Variants in DOK5 observed in about 807,000 individuals in gnomAD.
The protein encoded by DOK5 is docking protein 5.
DOK5 carries 27 observed loss-of-function variants against 43.3 expected under a neutral mutation model. The ratio of observed to expected loss-of-function variants is 0.62; its 90% CI spans 0.46 to 0.86. The LOEUF (loss-of-function observed/expected upper bound fraction) is 0.86, where lower values mean the gene tolerates loss of function less well. Ranked by LOEUF, DOK5 falls within the 40% of genes least tolerant of loss-of-function variation. The pLI, the probability that DOK5 is intolerant of heterozygous loss-of-function variation, is 0.00. For missense variants in DOK5, 373 were observed against 392.9 expected (o/e 0.95, Z 0.43); for synonymous variants, 146 against 140.1 (o/e 1.04, Z -0.30).
At chr20:54,497,546 A>T (rs542663101) in intron 1 of DOK5, among the ~76,000 whole-genome samples, 1 of 152,190 alleles carries the variant, frequency 6.6e-6, no homozygotes, top group African/African-American at 2.4e-5. Context: ...TGAGGTTTTC[A>T]TGTTTTGCTC....
At chr20:54,546,891 AG>A (rs1050195142) in intron 1 of DOK5, among the ~76,000 whole-genome samples, 2 of 152,108 alleles carry the variant, frequency 1.3e-5, no homozygotes, top group Non-Finnish European at 2.9e-5. Flanking sequence ...CATTTGGTGG[AG>A]GGGGTTGAAA....
At chr20:54,522,088 C>A (rs1429456526) in intron 1 of DOK5, among the ~76,000 whole-genome samples, 1 of 152,116 alleles carries the variant, frequency 6.6e-6, no homozygotes, top group Non-Finnish European at 1.5e-5. Flanking sequence ...CATTTAGCAC[C>A]CCAAGCAGTG....
intron 5 of DOK5, among the ~76,000 whole-genome samples, chr20:54,608,746 C>G (rs1193578040): frequency 2.0e-5 from 3 of 151,466 alleles, no homozygotes; most frequent in African/African-American, 7.3e-5. Context: ...TCTCAGCTCA[C>G]TGCAACCTCC....
At chr20:54,558,997 T>C (rs1984812058) in intron 2 of DOK5, among the ~76,000 whole-genome samples, 1 of 152,214 alleles carries the variant, frequency 6.6e-6, no homozygotes, top group Non-Finnish European at 1.5e-5. Context: ...TCTTACTTCC[T>C]CCACGAAGCA....
At chr20:54,577,101 G>A (rs1452464371) in intron 2 of DOK5, among the ~76,000 whole-genome samples, 5 of 152,128 alleles carry the variant, frequency 3.3e-5, no homozygotes, top group African/African-American at 9.7e-5. Context: ...ACTTGTTTTA[G>A]AAGCTGGAAG....
chr20:54,611,673 A>G (rs1213924281), intron 6 of DOK5, among the ~76,000 whole-genome samples: 1 of 152,250 alleles, frequency 6.6e-6, no homozygotes, highest in Non-Finnish European at 1.5e-5. Context: ...AATGCACATC[A>G]TGCGTTGTGG....
In DOK5 at chr20:54,647,297, G is replaced by A. The variant is rs576028637; in HGVS notation, c.857-3118G>A. 7.2e-5 allele frequency among the ~76,000 whole-genome samples: 11 copies of A among 152,182 alleles called. No homozygotes were observed. In the South Asian group the frequency reaches 1.9e-3, roughly 26 times the overall value. On this transcript the variant is annotated intron_variant, in intron 7 of 7. Coordinates refer to ENST00000262593, the MANE Select transcript of DOK5 (RefSeq NM_018431.5). ...AGTTGGGTGGATCTCCTGAGATCTC[G>A]AGTTCAAGACAAGCTTGGCCAACAT...
intron 1 of DOK5, among the ~76,000 whole-genome samples, chr20:54,522,633 C>A (rs1297561975): frequency 6.6e-6 from 1 of 151,524 alleles, no homozygotes; most frequent in South Asian, 2.1e-4. Flanking sequence ...AACTCTCCTG[C>A]CTCAGCTTCG....
intron 5 of DOK5, among the ~76,000 whole-genome samples, chr20:54,609,946 G>A (rs1486360343): frequency 6.6e-6 from 1 of 152,200 alleles, no homozygotes; most frequent in East Asian, 1.9e-4. Flanking sequence ...TAGGGAAAGC[G>A]AGAACAGAAT....
chr20:54,513,131 G>A (rs1369459121), intron 1 of DOK5, among the ~76,000 whole-genome samples: 2 of 152,042 alleles, frequency 1.3e-5, no homozygotes, highest in East Asian at 3.9e-4. Context: ...AGAATATGTT[G>A]GCAACTTGTC....
chr20:54,476,126 G>T (rs1981413983), intron 1 of DOK5, 114 bp downstream of exon 1: 18 of 1,554,158 alleles, frequency 1.2e-5, no homozygotes, highest in Non-Finnish European at 1.5e-5. Context: ...AGAATTGCGC[G>T]GTGGCTTTCT....
chr20:54,574,033 C>A (rs1985378088), intron 2 of DOK5, among the ~76,000 whole-genome samples: 1 of 152,138 alleles, frequency 6.6e-6, no homozygotes, highest in Admixed American at 6.5e-5. Context: ...CATGCTGGAG[C>A]CAAAAAGCAC....
At chr20:54,560,523 T>C (rs1315385789) in intron 2 of DOK5, among the ~76,000 whole-genome samples, 1 of 152,184 alleles carries the variant, frequency 6.6e-6, no homozygotes, top group Non-Finnish European at 1.5e-5. Context: ...ATTTAAGTAC[T>C]TTTTTCTAGT....
intron 6 of DOK5, among the ~76,000 whole-genome samples, chr20:54,641,623 A>G (rs894141626): frequency 3.3e-5 from 5 of 151,994 alleles, no homozygotes; most frequent in Non-Finnish European, 5.9e-5. Context: ...TTACTAGGTA[A>G]GTCCAAGTAG....
At chr20:54,523,070 G>T (rs1406255468) in intron 1 of DOK5, among the ~76,000 whole-genome samples, 1 of 152,124 alleles carries the variant, frequency 6.6e-6, no homozygotes, top group Non-Finnish European at 1.5e-5. Context: ...TTTGCTGAAT[G>T]AATGAATGAT....
chr20:54,524,244 G>A (rs1464855571), intron 1 of DOK5, among the ~76,000 whole-genome samples: 1 of 152,144 alleles, frequency 6.6e-6, no homozygotes, highest in Non-Finnish European at 1.5e-5. Flanking sequence ...AGGATGAAGT[G>A]AGGGGCAGCT....
intron 1 of DOK5, among the ~76,000 whole-genome samples, chr20:54,525,258 C>T (rs1345061579): frequency 2.0e-5 from 3 of 152,076 alleles, no homozygotes; most frequent in South Asian, 2.1e-4. Flanking sequence ...GATTAACTAG[C>T]GGGTACAGAG....
chr20:54,506,962 T>G (rs887016239), intron 1 of DOK5, among the ~76,000 whole-genome samples: 4 of 152,218 alleles, frequency 2.6e-5, no homozygotes, highest in African/African-American at 9.6e-5. Context: ...CATTTACAGT[T>G]TATTTAATCT....
chr20:54,588,681 C>A lies in DOK5; in HGVS notation c.290-6C>A, dbSNP rs752108025. ...ACACAGTTTAATCTTTTTGACATTT[C>A]CACAGATCTTGAGGCTGATGAGTGG... On this transcript the variant is annotated splice_polypyrimidine_tract_variant and splice_region_variant and intron_variant, in intron 3 of 7. Coordinates refer to ENST00000262593, the MANE Select transcript of DOK5 (RefSeq NM_018431.5). 6.2e-7 allele frequency: 1 copy of A among 1,613,958 alleles called. No individual in the cohort carries two copies. The highest frequency in any genetic ancestry group is 1.7e-5 in the Admixed American group (1 of 60,002).
Sources: allele counts gnomAD v4.1 joint callset (sites outside exome capture counted in the v4.1 genomes callset), GRCh38; gene constraint gnomAD v4.1.1; transcripts MANE v1.5; gene names NCBI Gene and HGNC (gene_info 2026-07-23, HGNC 2026-07-21).